The following NLRP4 variants were observed in gnomAD, a reference collection of about 807,000 sequenced individuals.
NLRP4 encodes NACHT, LRR and PYD domains-containing protein 4.
A neutral mutation model predicts 84.7 loss-of-function variants in NLRP4; 44 were observed. The ratio of observed to expected loss-of-function variants is 0.52; its 90% CI spans 0.41 to 0.67. The LOEUF is 0.67. Ranked by LOEUF, NLRP4 falls within the 30% of genes least tolerant of loss-of-function variation. NLRP4 has a pLI of 0.00. For synonymous variants in NLRP4, 544 were observed against 476.4 expected (o/e 1.14, Z -1.85); for missense variants, 1,260 against 1,219.4 (o/e 1.03, Z -0.50).
chr19:55,860,169 T>C (rs925661141), intron 3 of NLRP4, among the ~76,000 whole-genome samples: 3 of 151,992 alleles, frequency 2.0e-5, no homozygotes, highest in South Asian at 4.1e-4. Context: ...GTGTTTTTAG[T>C]AGAGACAGGG....
intron 1 of NLRP4, among the ~76,000 whole-genome samples, chr19:55,843,858 G>A (rs958817119): frequency 6.6e-6 from 1 of 151,838 alleles, no homozygotes; most frequent in East Asian, 1.9e-4. Flanking sequence ...CTCCTTTTGG[G>A]GAGCCAGTAA....
At chr19:55,876,916 G>T (rs1342107111) in intron 7 of NLRP4, 80 bp from the exon 8 acceptor site, 6 of 1,181,940 alleles carry the variant, frequency 5.1e-6, no homozygotes, top group Admixed American at 2.1e-5. Flanking sequence ...GACAAAGGCT[G>T]TCGTGCTTTG....
chr19:55,843,092 CTT>C (rs1464059026), intron 1 of NLRP4, among the ~76,000 whole-genome samples: 1 of 152,140 alleles, frequency 6.6e-6, no homozygotes, highest in East Asian at 1.9e-4. Flanking sequence ...TCTGGTTAGA[CTT>C]GAGTCAGCAG....
chr19:55,858,291 C>T lies in NLRP4; in HGVS notation c.898C>T (p.Arg300Trp), dbSNP rs147977916. 1.4e-5 allele frequency: 22 copies of T among 1,614,160 alleles called. No individual in the cohort carries two copies. Among genetic ancestry groups the T allele is most frequent in the Middle Eastern group, 1.7e-4 (1 of 6,060 alleles). The stretch of plus-strand genomic sequence containing the variant: ...GACGATCTCAGAAATCTACCAGCCC[C>T]GGGGATTCAACGAGAGTGATAGGTT... ...QVTISEIYQP[R>W]GFNESDRLVY... The change falls in exon 3 of 10, where the codon CGG becomes TGG. Residue 300 changes from arginine to tryptophan, a missense_variant. This residue lies in a region of NLRP4 where 712 missense variants were observed against 669.2 expected (regional missense o/e 1.06). Transcript: ENST00000301295. This position sits in a 1 kb window ranked among gnomAD's most constrained non-coding sequence, Gnocchi z 4.2.
chr19:55,844,873 G>GTGTGCGTGTGTGTATGCA, intron 1 of NLRP4, among the ~76,000 whole-genome samples: 1 of 152,236 alleles, frequency 6.6e-6, no homozygotes, highest in South Asian at 2.1e-4. Flanking sequence ...AGAGGAGTGT[G>GTGTGCGTGTGTGTATGCA]TGTGCGTGTG....
chr19:55,855,253 A>G (rs1984365475), intron 2 of NLRP4, among the ~76,000 whole-genome samples: 1 of 152,174 alleles, frequency 6.6e-6, no homozygotes, highest in Non-Finnish European at 1.5e-5. Context: ...TGCACATGGA[A>G]CCATTTTAGA....
At chr19:55,845,129 A>T (rs1475614543) in intron 1 of NLRP4, among the ~76,000 whole-genome samples, 3 of 147,358 alleles carry the variant, frequency 2.0e-5, no homozygotes, top group Non-Finnish European at 4.5e-5. Context: ...GCACCCATTA[A>T]CTCGTCATTT....
At chr19:55,840,748 T>C (rs1023506114) in intron 1 of NLRP4, among the ~76,000 whole-genome samples, 1 of 152,300 alleles carries the variant, frequency 6.6e-6, no homozygotes, top group East Asian at 1.9e-4. Context: ...ATGATTATAA[T>C]TGTTCTCTCT....
At chr19:55,875,557 A>G (rs866575192) in intron 7 of NLRP4, among the ~76,000 whole-genome samples, 3 of 152,352 alleles carry the variant, frequency 2.0e-5, no homozygotes, top group Middle Eastern at 3.4e-3. Flanking sequence ...TTATATTCAA[A>G]GATTGAAATA....
intron 1 of NLRP4, among the ~76,000 whole-genome samples, chr19:55,837,417 A>C (rs302467): frequency 0.3 from 46,189 of 151,986 alleles, 7,723 homozygotes; most frequent in African/African-American, 0.45. Flanking sequence ...CTATAGTGCT[A>C]CTGAACACCA....
chr19:55,837,444 A>C lies in NLRP4; in HGVS notation c.-66+510A>C, dbSNP rs112104086. Among the ~76,000 whole-genome samples, 1,242 of 152,246 alleles carry C rather than the reference A, an allele frequency of 8.2e-3. 21 individuals carry two copies. The highest frequency in any genetic ancestry group is 0.028 in the African/African-American group (1,144 of 41,520). Reference sequence around the variant, plus strand: ...TGAACACCAGCACCTATTCCTACCTACAGGTGTAACTTGGTATCCATTAGC... The same window carrying C: ...TGAACACCAGCACCTATTCCTACCTCCAGGTGTAACTTGGTATCCATTAGC... On this transcript the variant is annotated intron_variant, in intron 1 of 9. Transcript: ENST00000301295.
At chr19:55,868,281 G>T (rs1285663615) in intron 6 of NLRP4, among the ~76,000 whole-genome samples, 1 of 152,056 alleles carries the variant, frequency 6.6e-6, no homozygotes, top group Non-Finnish European at 1.5e-5. Flanking sequence ...AATGTCTATG[G>T]GCCTCTTGAC....
intron 2 of NLRP4, among the ~76,000 whole-genome samples, chr19:55,856,344 G>A (rs978694207): frequency 6.6e-6 from 1 of 152,062 alleles, no homozygotes; most frequent in African/African-American, 2.4e-5. Context: ...TCCAGCGTCT[G>A]TGTGTTCATG....
intron 9 of NLRP4, among the ~76,000 whole-genome samples, chr19:55,879,959 GTTATAT>G (rs1249849826): frequency 4.6e-5 from 7 of 151,438 alleles, no homozygotes; most frequent in African/African-American, 1.2e-4. Context: ...ATTTTAATTT[GTTATAT>G]TTATAATTAC....
chr19:55,852,044 T>A lies in NLRP4; in HGVS notation c.-37T>A, dbSNP rs1317994251. ...TTATTTATTTATTGTTCCTGGTCAC[T>A]GTCTCTTTGAGGATTGGTATCTCTG... On this transcript the variant is annotated 5_prime_UTR_variant, in exon 2 of 10. Coordinates refer to ENST00000301295, the MANE Select transcript of NLRP4 (RefSeq NM_134444.5). 6 of 1,514,124 alleles carry A rather than the reference T, an allele frequency of 4.0e-6. No homozygotes were observed. The African/African-American group carries it at 5.6e-5, about 14-fold the overall frequency. The allele number at this position is 1,514,124 out of a possible 1,614,324, so 93.8% of individuals were successfully genotyped here. A position where few individuals can be genotyped will look rare whatever the true frequency, so the allele number is the denominator to read the frequency against.
intron 7 of NLRP4, among the ~76,000 whole-genome samples, chr19:55,875,152 A>G (rs894223153): frequency 6.6e-6 from 1 of 152,238 alleles, no homozygotes; most frequent in East Asian, 1.9e-4. Flanking sequence ...GATGAGAGAA[A>G]AGCTTTCTCT....
chr19:55,861,526 G>C lies in NLRP4; in HGVS notation c.1997G>C (p.Ser666Thr), dbSNP rs756548632. 7.4e-6 allele frequency: 12 copies of C among 1,614,102 alleles called. No homozygotes were observed. In the South Asian group the frequency reaches 1.3e-4, roughly 18 times the overall value. The part of the protein sequence containing the change: ...VTWCNQLRHP[S>T]CRLQKLGINN... Reference sequence around the variant, plus strand: ...TGGTGTAACCAGCTGAGGCATCCCAGCTGTCGCCTTCAGAAGCTTGGGTGA... The same window carrying C: ...TGGTGTAACCAGCTGAGGCATCCCACCTGTCGCCTTCAGAAGCTTGGGTGA... Residue 666 changes from serine to threonine, a missense_variant, in exon 4 of 10, where the codon AGC becomes ACC. Physicochemically the swap from Ser to Thr is moderately conservative, Grantham distance 58. Around this residue, in one of 3 missense-constraint regions of NLRP4, gnomAD observed 544 missense variants for 531.7 expected, o/e 1.02. Coordinates refer to ENST00000301295, the MANE Select transcript of NLRP4 (RefSeq NM_134444.5).
At chr19:55,879,170 A>G (rs1354461372) in intron 9 of NLRP4, among the ~76,000 whole-genome samples, 3 of 152,158 alleles carry the variant, frequency 2.0e-5, no homozygotes, top group African/African-American at 4.8e-5. Context: ...AAATGGAAAC[A>G]CTTGTGAAGT....
At chr19:55,857,327 G>GTGTGTGTGTA (rs1984477420) in intron 2 of NLRP4, 5 of 145,374 alleles carry the variant, frequency 3.4e-5, no homozygotes, top group Admixed American at 3.0e-4. Context: ...AGCAATGAAT[G>GTGTGTGTGTA]TGTGTGTGTG....
Sources: gnomAD v4.1 joint callset for allele counts (sites outside exome capture counted in the v4.1 genomes callset) on GRCh38, gnomAD v4.1.1 for gene constraint, gnomAD v4.1.1 regional missense constraint, Gnocchi (gnomAD v3.1) non-coding constraint, MANE v1.5 for transcripts, NCBI Gene and HGNC (gene_info 2026-07-23, HGNC 2026-07-21) for gene names.